The following CNBD1 variants were observed in gnomAD, a reference collection of about 807,000 sequenced individuals.
The protein encoded by CNBD1 is cyclic nucleotide-binding domain-containing protein 1.
A neutral mutation model predicts 54.4 loss-of-function variants in CNBD1; 71 were observed. The observed-to-expected ratio is 1.30, with a 90% confidence interval of 1.08 to 1.59. The LOEUF (loss-of-function observed/expected upper bound fraction) is 1.59. Ranked by LOEUF, CNBD1 falls within the 40% of genes most tolerant of loss-of-function variation. The probability of loss-of-function intolerance (pLI) is 0.00; values close to 1 mark genes in which losing one functional copy is unlikely to be tolerated. For missense variants in CNBD1, 659 were observed against 518.0 expected (o/e 1.27, Z -2.64); for synonymous variants, 182 against 170.7 (o/e 1.07, Z -0.51).
At chr8:87,425,732 C>T (rs1234084485) in intron 2 of CNBD1, among the ~76,000 whole-genome samples, 3 of 150,834 alleles carry the variant, frequency 2.0e-5, no homozygotes, top group Admixed American at 6.6e-5. Flanking sequence ...AGCTGTCAGA[C>T]AGGGACATTT....
intron 4 of CNBD1, among the ~76,000 whole-genome samples, chr8:87,105,582 C>G (rs752686560): frequency 1.4e-4 from 22 of 152,170 alleles, no homozygotes; most frequent in Non-Finnish European, 2.4e-4. Context: ...GGTTGCCCCT[C>G]TGTCACCTGG....
intron 4 of CNBD1, among the ~76,000 whole-genome samples, chr8:87,135,273 T>G (rs1353402212): frequency 2.6e-5 from 4 of 151,878 alleles, no homozygotes; most frequent in African/African-American, 9.7e-5. Context: ...ATGAGATATA[T>G]AAAATCAAAT....
At chr8:87,235,563 CACA>C (rs1807569418) in intron 5 of CNBD1, among the ~76,000 whole-genome samples, 1 of 152,106 alleles carries the variant, frequency 6.6e-6, no homozygotes, top group African/African-American at 2.4e-5. Flanking sequence ...TCCAAACACA[CACA>C]ACATTTACCA....
At chr8:86,962,072 C>T (rs893999990) in intron 4 of CNBD1, among the ~76,000 whole-genome samples, 22 of 152,122 alleles carry the variant, frequency 1.4e-4, no homozygotes, top group Admixed American at 3.9e-4. Flanking sequence ...GATACATCCA[C>T]TTGTAATCCC....
At chr8:87,122,816 G>A (rs1433045464) in intron 4 of CNBD1, among the ~76,000 whole-genome samples, 2 of 151,860 alleles carry the variant, frequency 1.3e-5, no homozygotes, top group African/African-American at 4.8e-5. Flanking sequence ...TGAAGACAGT[G>A]TTTTTCCCCA....
At chr8:86,889,205 C>T (rs969564569) in intron 2 of CNBD1, among the ~76,000 whole-genome samples, 4 of 152,028 alleles carry the variant, frequency 2.6e-5, no homozygotes, top group Non-Finnish European at 4.4e-5. Flanking sequence ...GTTAGAAATA[C>T]AATATATAGT....
At chr8:87,222,532 A>G (rs1369574001) in intron 5 of CNBD1, among the ~76,000 whole-genome samples, 1 of 152,116 alleles carries the variant, frequency 6.6e-6, no homozygotes, top group African/African-American at 2.4e-5. Context: ...TGGTAGATAG[A>G]TAACAGTTAA....
chr8:87,047,735 C>T (rs1238511700), intron 4 of CNBD1, among the ~76,000 whole-genome samples: 1 of 152,132 alleles, frequency 6.6e-6, no homozygotes, highest in African/African-American at 2.4e-5. Context: ...TTCTATTTGT[C>T]AAAATATTGG....
chr8:87,225,443 G>T (rs1448407813), intron 5 of CNBD1, among the ~76,000 whole-genome samples: 1 of 151,768 alleles, frequency 6.6e-6, no homozygotes, highest in Admixed American at 6.6e-5. Flanking sequence ...AGAGTTTTTA[G>T]CATGAAGGGT....
intron 4 of CNBD1, among the ~76,000 whole-genome samples, chr8:87,096,343 C>CTTTT (rs764461082): frequency 1.7e-5 from 2 of 117,150 alleles, no homozygotes; most frequent in African/African-American, 3.1e-5. Flanking sequence ...TCTCTGGTGT[C>CTTTT]TTTTTTTTTT....
At position 86,978,984 on chromosome 8, in the gene CNBD1, A is replaced by G. The variant is rs557442730; in HGVS notation, c.431+39230A>G. Among the ~76,000 whole-genome samples, 5 of 152,308 alleles carry G rather than the reference A, an allele frequency of 3.3e-5. No homozygotes were observed. In the South Asian group the frequency reaches 8.3e-4, roughly 25 times the overall value. On this transcript the variant is annotated intron_variant, in intron 4 of 10. Coordinates refer to ENST00000518476, the MANE Select transcript of CNBD1 (RefSeq NM_173538.3). ...GAACATTCCAAGTAATGAGTTATAC[A>G]ATGTAACTTTTCATGGTAGTAATGT... is the stretch of plus-strand genomic sequence containing the variant.
At chr8:87,358,330 T>G (rs1171350400) in intron 10 of CNBD1, among the ~76,000 whole-genome samples, 5 of 152,194 alleles carry the variant, frequency 3.3e-5, no homozygotes, top group Non-Finnish European at 7.3e-5. Context: ...ATTTGTTAAT[T>G]TTATTTTCTT....
At chr8:87,367,543 T>C (rs1217253015) in intron 10 of CNBD1, among the ~76,000 whole-genome samples, 1 of 152,080 alleles carries the variant, frequency 6.6e-6, no homozygotes, top group Non-Finnish European at 1.5e-5. Flanking sequence ...ATTAAAAAAA[T>C]TGGTACGTTG....
At chr8:87,279,727 T>C (rs1808557684) in intron 6 of CNBD1, among the ~76,000 whole-genome samples, 2 of 151,126 alleles carry the variant, frequency 1.3e-5, no homozygotes, top group South Asian at 4.1e-4. Flanking sequence ...TATTTTTATA[T>C]ATATGTATAA....
intron 8 of CNBD1, among the ~76,000 whole-genome samples, chr8:87,329,021 T>G (rs1276692977): frequency 6.6e-6 from 1 of 151,182 alleles, no homozygotes; most frequent in Non-Finnish European, 1.5e-5. Context: ...TCCTAGGAGT[T>G]TTATACTTTT....
chr8:87,284,453 A>G (rs949790334), intron 6 of CNBD1, among the ~76,000 whole-genome samples: 3 of 152,188 alleles, frequency 2.0e-5, no homozygotes, highest in Admixed American at 6.6e-5. Flanking sequence ...TGAATAAAAC[A>G]GAAGATTTTT....
At chr8:87,238,867 T>G (rs1483903869) in intron 6 of CNBD1, among the ~76,000 whole-genome samples, 1 of 152,116 alleles carries the variant, frequency 6.6e-6, no homozygotes, top group Non-Finnish European at 1.5e-5. Context: ...TTTTATTGTA[T>G]TCCTTTAGTG....
chr8:86,995,615 C>A (rs545718684), intron 4 of CNBD1, among the ~76,000 whole-genome samples: 2 of 151,930 alleles, frequency 1.3e-5, no homozygotes, highest in African/African-American at 4.8e-5. Flanking sequence ...AGCACAAGGA[C>A]ATTAAAGGGA....
rs1349400639 is a variant in CNBD1, at chr8:86,925,677, TTG to T, written c.273-13916_273-13915del. Among the ~76,000 whole-genome samples the T allele has an allele frequency of 2.0e-5, 3 of 150,820 alleles. No individual in the cohort carries two copies. The Admixed American group carries it at 2.0e-4, about 10-fold the overall frequency. On this transcript the variant is annotated intron_variant, in intron 3 of 10. Coordinates refer to ENST00000518476, the MANE Select transcript of CNBD1 (RefSeq NM_173538.3). Reference sequence around the variant, plus strand: ...GGGTGGATCACTCGAGGTCATGAGTTTGTGATCAGCCTTGCTAACATGGTGAA... The same window carrying T: ...GGGTGGATCACTCGAGGTCATGAGTTTGATCAGCCTTGCTAACATGGTGAA...
Sources: allele counts gnomAD v4.1 joint callset (sites outside exome capture counted in the v4.1 genomes callset), GRCh38; gene constraint gnomAD v4.1.1; transcripts MANE v1.5; gene names NCBI Gene and HGNC (gene_info 2026-07-23, HGNC 2026-07-21).